Variants in CUL2 observed in about 807,000 individuals in gnomAD.
CUL2 encodes the protein cullin-2.
Under a neutral mutation model 110.2 loss-of-function variants are expected in CUL2, and 22 were observed. The observed-to-expected ratio is 0.20, with a 90% confidence interval of 0.14 to 0.28. The LOEUF is 0.28. Among genes scored for constraint, CUL2 ranks in the 10% least tolerant of loss-of-function variants. CUL2 has a pLI of 1.00. For synonymous variants in CUL2, 279 were observed against 293.2 expected, an observed-to-expected ratio of 0.95 and a Z score of 0.49; for missense variants, 631 against 905.5, an observed-to-expected ratio of 0.70 and a Z score of 3.89.
intron 1 of CUL2, among the ~76,000 whole-genome samples, chr10:35,111,123 A>T (rs1420850151): frequency 1.3e-5 from 2 of 152,204 alleles, no homozygotes; most frequent in Non-Finnish European, 2.9e-5. Flanking sequence ...CTCAGGGATT[A>T]TCATCAGTTT....
At chr10:35,077,662 A>G (rs1304056738) in intron 1 of CUL2, among the ~76,000 whole-genome samples, 1 of 151,236 alleles carries the variant, frequency 6.6e-6, no homozygotes, top group African/African-American at 2.4e-5. Context: ...TACTAAAAAT[A>G]CAAAATTAGC....
chr10:35,117,081 T>G (rs1363333989), intron 1 of CUL2, among the ~76,000 whole-genome samples: 1 of 148,324 alleles, frequency 6.7e-6, no homozygotes, highest in Non-Finnish European at 1.5e-5. Context: ...TTACAGAGTA[T>G]TTTTGAATTT....
intron 1 of CUL2, among the ~76,000 whole-genome samples, chr10:35,107,447 A>C (rs564407273): frequency 6.6e-6 from 1 of 152,310 alleles, no homozygotes; most frequent in Non-Finnish European, 1.5e-5. Flanking sequence ...CAAAAAGATA[A>C]ATGCCTAAGT....
At chr10:35,088,284 C>T (rs2087109939) in intron 1 of CUL2, among the ~76,000 whole-genome samples, 1 of 151,900 alleles carries the variant, frequency 6.6e-6, no homozygotes, top group Admixed American at 6.6e-5. Context: ...CTGAGGAGGG[C>T]GGATCATGAG....
intron 17 of CUL2, 73 bp from the exon 18 acceptor site, chr10:35,016,467 ATT>A: frequency 8.5e-7 from 1 of 1,179,872 alleles, no homozygotes; most frequent in Non-Finnish European, 1.2e-6. Flanking sequence ...TATTTCAGAC[ATT>A]TTCTTCGGAA....
chr10:35,090,590 C>T (rs1388268059), upstream of CUL2: 2 of 152,668 alleles, frequency 1.3e-5, no homozygotes, highest in African/African-American at 2.4e-5. Flanking sequence ...CACACACCCT[C>T]CGGTCTCCTT....
At chr10:35,016,657 C>T (rs1277409146) in intron 17 of CUL2, among the ~76,000 whole-genome samples, 2 of 152,024 alleles carry the variant, frequency 1.3e-5, no homozygotes, top group South Asian at 2.1e-4. Context: ...CCAGGCGCAG[C>T]GGCTCACGCC....
intron 1 of CUL2, among the ~76,000 whole-genome samples, chr10:35,117,712 T>A (rs575677069): frequency 6.6e-6 from 1 of 152,314 alleles, no homozygotes; most frequent in African/African-American, 2.4e-5. Context: ...TACTGAAGGT[T>A]CCTATTATGT....
intron 5 of CUL2, among the ~76,000 whole-genome samples, chr10:35,053,079 A>C (rs1335150938): frequency 6.6e-6 from 1 of 152,194 alleles, no homozygotes; most frequent in Non-Finnish European, 1.5e-5. Context: ...CGCAGTTTGA[A>C]AAATAAAATC....
At chr10:35,075,842 T>C (rs891893386) in intron 1 of CUL2, among the ~76,000 whole-genome samples, 5 of 152,230 alleles carry the variant, frequency 3.3e-5, no homozygotes, top group African/African-American at 9.6e-5. Flanking sequence ...TTTCTAAATA[T>C]GCATGATTGT....
At chr10:35,077,466 C>T (rs546501646) in intron 1 of CUL2, among the ~76,000 whole-genome samples, 6 of 151,880 alleles carry the variant, frequency 4.0e-5, no homozygotes, top group Non-Finnish European at 8.8e-5. Flanking sequence ...CACTGCACTC[C>T]ACTCTGGACA....
At chr10:35,054,039 A>G (rs1181698112) in intron 5 of CUL2, among the ~76,000 whole-genome samples, 3 of 151,974 alleles carry the variant, frequency 2.0e-5, no homozygotes, top group Non-Finnish European at 4.4e-5. Flanking sequence ...TTCACTCTGA[A>G]TTTAATTACT....
chr10:35,097,483 C>T (rs1481376622), intron 2 of CUL2, among the ~76,000 whole-genome samples: 1 of 143,430 alleles, frequency 7.0e-6, no homozygotes, highest in Non-Finnish European at 1.5e-5. Flanking sequence ...GAGCAAGACC[C>T]CCTGTCTCAA....
intron 17 of CUL2, among the ~76,000 whole-genome samples, chr10:35,024,228 C>T (rs79992941): frequency 0.012 from 1,756 of 152,282 alleles, 16 homozygotes; most frequent in Non-Finnish European, 0.019. Context: ...GAATGTCCAA[C>T]TTGCTCAGTA....
At chr10:35,044,195 A>G (rs2085876552) in intron 8 of CUL2, among the ~76,000 whole-genome samples, 2 of 152,178 alleles carry the variant, frequency 1.3e-5, no homozygotes, top group East Asian at 1.9e-4. Flanking sequence ...TTAAAGGAAG[A>G]AAAAAACCTC....
intron 7 of CUL2, 40 bp downstream of exon 7, chr10:35,044,732 T>G: frequency 1.3e-6 from 2 of 1,585,808 alleles, no homozygotes; most frequent in Non-Finnish European, 1.7e-6. Context: ...GTTTAAGAAA[T>G]TAACAGTCTG....
intron 9 of CUL2, among the ~76,000 whole-genome samples, chr10:35,037,689 A>G (rs2085658611): frequency 6.6e-6 from 1 of 152,120 alleles, no homozygotes; most frequent in African/African-American, 2.4e-5. Context: ...CTAAAAATAC[A>G]AAAATTAGCC....
chr10:35,011,084 T>C (rs61290598), intron 20 of CUL2, among the ~76,000 whole-genome samples: 6,191 of 152,242 alleles, frequency 0.041, 407 homozygotes, highest in African/African-American at 0.14. Context: ...TTATTATCAT[T>C]TGAGATAGCA....
rs1224606742 is a variant in CUL2, at chr10:35,009,167, T to TTAACA, written c.*1139_*1143dup. 1.4e-5 allele frequency: 2 copies of TTAACA among 144,208 alleles called. No individual in the cohort carries two copies. Among genetic ancestry groups the TTAACA allele is most frequent in the East Asian group, 4.0e-4 (2 of 4,950 alleles). 8.9% of individuals were successfully genotyped at this position (144,208 alleles called of 1,614,324 possible). ...AATATGATAATAGATCGCAGTACTC[T>TTAACA]TAACACTGCTGTTGAGATATATATA... On this transcript the variant is annotated 3_prime_UTR_variant, in exon 21 of 21. Transcript: ENST00000374749.
Sources: gnomAD v4.1 joint callset for allele counts (sites outside exome capture counted in the v4.1 genomes callset) on GRCh38, gnomAD v4.1.1 for gene constraint, MANE v1.5 for transcripts, NCBI Gene and HGNC (gene_info 2026-07-23, HGNC 2026-07-21) for gene names.